EYS: variants seen among roughly 807,000 people sequenced by gnomAD.
The protein encoded by EYS is EGF-like photoreceptor maintenance factor.
In EYS, 250 loss-of-function variants were observed where a neutral mutation model predicts 282.1. That is an observed-to-expected ratio of 0.89 (90% CI 0.80 to 0.98). EYS has a LOEUF of 0.98. Among genes scored for constraint, EYS ranks in the 50% least tolerant of loss-of-function variants. The pLI is 0.00. For missense variants in EYS, 4,016 were observed against 3,709.0 expected (o/e 1.08, Z -2.15); for synonymous variants, 1,355 against 1,282.9 (o/e 1.06, Z -1.20).
intron 22 of EYS, among the ~76,000 whole-genome samples, chr6:64,682,694 G>C (rs1189830039): frequency 6.6e-6 from 1 of 152,186 alleles, no homozygotes; most frequent in African/African-American, 2.4e-5. Flanking sequence ...TGAGAAAGAA[G>C]ACAGTCTGTG....
intron 36 of EYS, among the ~76,000 whole-genome samples, chr6:63,852,077 A>C (rs1372796796): frequency 9.8e-5 from 14 of 143,252 alleles, no homozygotes; most frequent in Non-Finnish European, 3.0e-5. Context: ...GAATGGCGTG[A>C]ACCCGGGAGG....
At chr6:65,136,106 G>T (rs545879965) in intron 12 of EYS, among the ~76,000 whole-genome samples, 1 of 151,888 alleles carries the variant, frequency 6.6e-6, no homozygotes, top group South Asian at 2.1e-4. Context: ...CTGTCAATGT[G>T]GCCTTCTCCT....
intron 26 of EYS, among the ~76,000 whole-genome samples, chr6:64,501,579 C>T (rs1382002028): frequency 6.6e-6 from 1 of 151,794 alleles, no homozygotes; most frequent in Admixed American, 6.6e-5. Context: ...ACTGAAGATG[C>T]CATTTTGGGA....
At chr6:64,304,078 G>A (rs1184308595) in intron 30 of EYS, among the ~76,000 whole-genome samples, 1 of 152,076 alleles carries the variant, frequency 6.6e-6, no homozygotes, top group Non-Finnish European at 1.5e-5. Context: ...GGTGTTTACT[G>A]GAGACTTTTG....
At chr6:65,460,054 T>G (rs1764772569) in intron 5 of EYS, among the ~76,000 whole-genome samples, 1 of 130,330 alleles carries the variant, frequency 7.7e-6, no homozygotes, top group Non-Finnish European at 1.6e-5. Context: ...GATATATGTG[T>G]GTATATATGT....
At chr6:64,770,509 C>T (rs919787390) in intron 22 of EYS, among the ~76,000 whole-genome samples, 9 of 151,884 alleles carry the variant, frequency 5.9e-5, no homozygotes, top group Non-Finnish European at 1.3e-4. Context: ...GGTTAACTCA[C>T]CAGTGTACTT....
chr6:63,867,561 G>T (rs1373828079), intron 35 of EYS, among the ~76,000 whole-genome samples: 1 of 152,128 alleles, frequency 6.6e-6, no homozygotes, highest in Non-Finnish European at 1.5e-5. Context: ...GTGCCAAGTG[G>T]TGAATAAGAC....
intron 12 of EYS, among the ~76,000 whole-genome samples, chr6:65,118,232 A>G (rs1775434180): frequency 6.6e-6 from 1 of 152,192 alleles, no homozygotes. Context: ...GAGCCTGAGA[A>G]GAATTGTATG....
chr6:63,824,653 C>T (rs1431312743), intron 36 of EYS, among the ~76,000 whole-genome samples: 3 of 152,080 alleles, frequency 2.0e-5, no homozygotes, highest in Admixed American at 6.6e-5. Flanking sequence ...GGTCCAGGTC[C>T]GTTTGCAGGA....
chr6:64,662,519 C>G (rs1370960147), intron 22 of EYS, among the ~76,000 whole-genome samples: 3 of 152,088 alleles, frequency 2.0e-5, no homozygotes, highest in African/African-American at 4.8e-5. Flanking sequence ...GGACAGCAAG[C>G]AGATATGCAT....
chr6:65,215,642 G>T (rs1349732664), intron 12 of EYS, among the ~76,000 whole-genome samples: 1 of 152,108 alleles, frequency 6.6e-6, no homozygotes, highest in Non-Finnish European at 1.5e-5. Context: ...CTCCACTGTG[G>T]GTAAAACGCT....
chr6:64,621,515 A>G (rs747397711), intron 23 of EYS, among the ~76,000 whole-genome samples: 2 of 152,186 alleles, frequency 1.3e-5, no homozygotes, highest in Non-Finnish European at 2.9e-5. Context: ...ATACAATAGT[A>G]TACACTCTTT....
intron 22 of EYS, among the ~76,000 whole-genome samples, chr6:64,653,267 A>T (rs1159626651): frequency 6.6e-6 from 1 of 152,160 alleles, no homozygotes; most frequent in Non-Finnish European, 1.5e-5. Context: ...ATCAACCCTG[A>T]TAACACCTTG....
At chr6:64,844,006 G>T (rs903673544) in intron 19 of EYS, among the ~76,000 whole-genome samples, 10 of 152,080 alleles carry the variant, frequency 6.6e-5, no homozygotes, top group Admixed American at 3.9e-4. Flanking sequence ...TTTCTCAGGG[G>T]TTTCTGCTTT....
At chr6:64,085,232 T>C (rs1562192493) in intron 31 of EYS, among the ~76,000 whole-genome samples, 1 of 152,008 alleles carries the variant, frequency 6.6e-6, no homozygotes, top group Admixed American at 6.6e-5. Context: ...TGCCTAGGCC[T>C]CCCAAAGTGC....
chr6:64,860,244 C>G (rs1250467005), intron 19 of EYS, among the ~76,000 whole-genome samples: 4 of 152,232 alleles, frequency 2.6e-5, no homozygotes, highest in African/African-American at 9.6e-5. Context: ...AGCCAGAAAA[C>G]TCTGTGGCCA....
chr6:64,839,802 A>G (rs560283084), intron 19 of EYS, among the ~76,000 whole-genome samples: 1 of 152,026 alleles, frequency 6.6e-6, no homozygotes, highest in Non-Finnish European at 1.5e-5. Flanking sequence ...ACATAATAGA[A>G]GGGATGGAAG....
At chr6:64,382,985 T>C (rs1007725959) in intron 29 of EYS, among the ~76,000 whole-genome samples, 1 of 152,086 alleles carries the variant, frequency 6.6e-6, no homozygotes, top group Non-Finnish European at 1.5e-5. Context: ...TATTGTTGTC[T>C]CACTAAGAAA....
rs189204002 is a variant in EYS at position 65,014,684 on chromosome 6, A to G, written c.2138-16981T>C. Among the ~76,000 whole-genome samples the G allele has an allele frequency of 9.6e-4, 146 of 152,284 alleles. 2 individuals carry two copies. Among genetic ancestry groups the G allele is most frequent in the Admixed American group, 1.4e-3 (21 of 15,286 alleles). ...GCATTACCACATTTAAGGAATTATAATATGCCATCGATTTTAAGGGAGTTT... is the reference window on the plus strand; with the variant it reads ...GCATTACCACATTTAAGGAATTATAGTATGCCATCGATTTTAAGGGAGTTT... On this transcript the variant is annotated intron_variant, in intron 13 of 42. Coordinates refer to ENST00000503581, the MANE Select transcript of EYS (RefSeq NM_001142800.2).
Sources: gnomAD v4.1 joint callset for allele counts (sites outside exome capture counted in the v4.1 genomes callset) on GRCh38, gnomAD v4.1.1 for gene constraint, MANE v1.5 for transcripts, NCBI Gene and HGNC (gene_info 2026-07-23, HGNC 2026-07-21) for gene names.